CLUL1: variants seen among roughly 807,000 people sequenced by gnomAD.
The protein encoded by CLUL1 is clusterin like 1.
In CLUL1, 43 loss-of-function variants were observed where a neutral mutation model predicts 49.4. That is an observed-to-expected ratio of 0.87 (90% CI 0.68 to 1.12). The LOEUF is 1.12. CLUL1 is among the 50% of genes most tolerant of loss of function. The pLI is 0.00. For synonymous variants in CLUL1, 192 were observed against 184.9 expected (o/e 1.04, Z -0.31); for missense variants, 486 against 544.4 (o/e 0.89, Z 1.07).
intron 5 of CLUL1, among the ~76,000 whole-genome samples, chr18:626,792 C>T (rs574238262): frequency 9.5e-5 from 14 of 147,216 alleles, no homozygotes; most frequent in East Asian, 2.0e-4. Context: ...ACCCAGGAGG[C>T]GGAGGTTGCA....
At chr18:637,987 A>AATG (rs2074204294) in intron 7 of CLUL1, among the ~76,000 whole-genome samples, 1 of 151,926 alleles carries the variant, frequency 6.6e-6, no homozygotes, top group Non-Finnish European at 1.5e-5. Context: ...TAATAATAAT[A>AATG]AACAGATAAA....
chr18:597,480 CTT>C lies in CLUL1; in HGVS notation c.-136+353_-136+354del, dbSNP rs367650245. Among the ~76,000 whole-genome samples the C allele has an allele frequency of 3.7e-3, 561 of 152,264 alleles. 4 individuals are homozygous for C. Among genetic ancestry groups the C allele is most frequent in the African/African-American group, 0.013 (524 of 41,534 alleles). On this transcript the variant is annotated intron_variant, in intron 1 of 9. Coordinates refer to ENST00000692774, the MANE Select transcript of CLUL1 (RefSeq NM_001393344.1). ...GTGGCTCACGCCTGTAATCTCAACACTTTGGGAGGCCGAGGGGGGCCGATCAC... is the reference window on the plus strand; with the variant it reads ...GTGGCTCACGCCTGTAATCTCAACACTGGGAGGCCGAGGGGGGCCGATCAC...
chr18:645,245 C>A, intron 9 of CLUL1, 148 bp downstream of exon 9: 1 of 542,476 alleles, frequency 1.8e-6, no homozygotes, highest in Non-Finnish European at 3.0e-6. Context: ...CATTTTCTGC[C>A]TATCAGATTT....
intron 2 of CLUL1, among the ~76,000 whole-genome samples, chr18:609,587 G>A (rs2073072963): frequency 6.6e-6 from 1 of 152,114 alleles, no homozygotes; most frequent in Admixed American, 6.6e-5. Context: ...ACTTTAGGAG[G>A]CCAAAGCAGG....
chr18:602,812 A>G (rs113708982), intron 1 of CLUL1, among the ~76,000 whole-genome samples: 10 of 152,318 alleles, frequency 6.6e-5, no homozygotes, highest in African/African-American at 1.2e-4. Flanking sequence ...AGAAGGGGCA[A>G]TATACAGCAA....
At chr18:649,024 G>T (rs192062516) in intron 9 of CLUL1, among the ~76,000 whole-genome samples, 4 of 152,154 alleles carry the variant, frequency 2.6e-5, no homozygotes, top group East Asian at 1.9e-4. Context: ...AATTTTTATG[G>T]TTTTTTATTA....
chr18:645,262 TAA>T, intron 9 of CLUL1, 165 bp downstream of exon 9: 7 of 492,756 alleles, frequency 1.4e-5, no homozygotes, highest in Non-Finnish European at 2.4e-5. Flanking sequence ...ATTTGCAAAT[TAA>T]AAAAAAACCC....
At chr18:629,521 C>T (rs2073923834) in intron 6 of CLUL1, among the ~76,000 whole-genome samples, 1 of 152,182 alleles carries the variant, frequency 6.6e-6, no homozygotes, top group African/African-American at 2.4e-5. Context: ...CCCTCCCACA[C>T]ACCAGCTACG....
Position 624,874 on chromosome 18 carries a change from A to C in CLUL1, c.265A>C (p.Lys89Gln). The change falls in exon 5 of 10, where the codon AAA becomes CAA. Residue 89 changes from lysine (K) to glutamine (Q), a missense_variant. Lys to Gln is a moderately conservative substitution (Grantham distance 53). Coordinates refer to ENST00000692774, the MANE Select transcript of CLUL1 (RefSeq NM_001393344.1). ...KCREEKQEAL[K>Q]LLNEVQEHLE... is the part of the protein sequence containing the mutation. ...TTCTACTTTTAACTAGGAGGCCCTGAAACTTCTGAATGAAGTTCAAGAACA... is the reference window on the plus strand; with the variant it reads ...TTCTACTTTTAACTAGGAGGCCCTGCAACTTCTGAATGAAGTTCAAGAACA... The C allele has an allele frequency of 6.2e-7, 1 of 1,613,804 alleles. No individual in the cohort carries two copies. The highest frequency in any genetic ancestry group is 1.1e-5 in the South Asian group (1 of 90,994).
In CLUL1 at chr18:618,757, T is replaced by C. The variant is rs956294453; in HGVS notation, c.107-456T>C. Among the ~76,000 whole-genome samples, 1 of 152,156 alleles carries C rather than the reference T, an allele frequency of 6.6e-6. No individual in the cohort carries two copies. The highest frequency in any genetic ancestry group is 2.4e-5 in the African/African-American group (1 of 41,444). ...ACGTCCATTGAGTTATTAAGGAAGC[T>C]CGTATTACATGGGATACTTTCTAGG... On this transcript the variant is annotated intron_variant, in intron 3 of 9. Coordinates refer to ENST00000692774, the MANE Select transcript of CLUL1 (RefSeq NM_001393344.1). The surrounding 1 kb of genome is among the most constrained non-coding windows in gnomAD (Gnocchi z 4.2).
Position 646,756 on chromosome 18 carries a change from C to CT in CLUL1, c.1397+1670dup, listed in dbSNP as rs564838623. ...CCTTTCTTTCCTTTTTTCTTTCTTT[C>CT]TTTTTTTTTTTGAGACAGAGTCTTG... On this transcript the variant is annotated intron_variant, in intron 9 of 9. Coordinates refer to ENST00000692774, the MANE Select transcript of CLUL1 (RefSeq NM_001393344.1). Among the ~76,000 whole-genome samples the CT allele has an allele frequency of 9.1e-3, 1,311 of 143,926 alleles. 12 individuals are homozygous for CT. Among genetic ancestry groups the CT allele is most frequent in the African/African-American group, 0.019 (731 of 39,352 alleles). 94.4% of individuals were successfully genotyped at this position (143,926 alleles called of 152,430 possible).
At chr18:648,465 A>G (rs11877057) in intron 9 of CLUL1, among the ~76,000 whole-genome samples, 21,341 of 152,162 alleles carry the variant, frequency 0.14, 1,854 homozygotes, top group East Asian at 0.26. Flanking sequence ...TAATCCCACC[A>G]TCTTAACACA....
chr18:643,336 A>G (rs1206170221), intron 8 of CLUL1, among the ~76,000 whole-genome samples: 1 of 152,218 alleles, frequency 6.6e-6, no homozygotes, highest in African/African-American at 2.4e-5. Context: ...TTTGAAAGCC[A>G]CTGTTCCAAT....
Position 606,990 on chromosome 18 carries a change from C to T in CLUL1, c.-123C>T, listed in dbSNP as rs2072989306. The T allele has an allele frequency of 1.5e-6, 1 of 654,474 alleles. No homozygotes were observed. 40.5% of individuals were successfully genotyped at this position (654,474 alleles called of 1,614,324 possible). On this transcript the variant is annotated 5_prime_UTR_variant, in exon 2 of 10. Coordinates refer to ENST00000692774, the MANE Select transcript of CLUL1 (RefSeq NM_001393344.1). This position sits in a 1 kb window ranked among gnomAD's most constrained non-coding sequence, Gnocchi z 4.1. Reference sequence around the variant, plus strand: ...TTCTTTTCTTTAGAGTTGCGTCCCTCTCGGTTGCCAGGCTGGAGTTCAGTG... The same window carrying T: ...TTCTTTTCTTTAGAGTTGCGTCCCTTTCGGTTGCCAGGCTGGAGTTCAGTG...
At chr18:620,787 A>G (rs925524214) in intron 4 of CLUL1, among the ~76,000 whole-genome samples, 7 of 152,248 alleles carry the variant, frequency 4.6e-5, no homozygotes, top group Non-Finnish European at 7.3e-5. Flanking sequence ...AAAGTTCAGT[A>G]AATTTCTAAA....
At chr18:613,247 TC>T in intron 2 of CLUL1, 1 of 449,346 alleles carries the variant, frequency 2.2e-6, no homozygotes, top group Non-Finnish European at 3.9e-6. Context: ...CAAGCGATTC[TC>T]CTGCCTCAGC....
intron 1 of CLUL1, among the ~76,000 whole-genome samples, chr18:604,188 C>T (rs2072908140): frequency 6.6e-6 from 1 of 152,220 alleles, no homozygotes; most frequent in Non-Finnish European, 1.5e-5. Context: ...CCAGCTTTTT[C>T]ATTCATACTT....
intron 7 of CLUL1, among the ~76,000 whole-genome samples, chr18:637,231 C>G (rs1197237559): frequency 1.3e-5 from 2 of 152,126 alleles, no homozygotes; most frequent in Non-Finnish European, 2.9e-5. Flanking sequence ...TGTGATCCAC[C>G]TGCCTCGGCC....
intron 9 of CLUL1, among the ~76,000 whole-genome samples, chr18:645,667 G>T (rs28428915): frequency 6.7e-6 from 1 of 148,228 alleles, no homozygotes; most frequent in Non-Finnish European, 1.5e-5. Context: ...GGTGGCGGGC[G>T]CCTGTAGTCC....
Sources: allele counts gnomAD v4.1 joint callset (sites outside exome capture counted in the v4.1 genomes callset), GRCh38; gene constraint gnomAD v4.1.1; non-coding constraint Gnocchi (gnomAD v3.1); transcripts MANE v1.5; gene names NCBI Gene and HGNC (gene_info 2026-07-23, HGNC 2026-07-21).